Variants in DCT observed in about 807,000 individuals in gnomAD.
DCT encodes the protein dopachrome tautomerase.
In DCT, 47 loss-of-function variants were observed where a neutral mutation model predicts 53.0. The observed-to-expected ratio is 0.89, with a 90% confidence interval of 0.70 to 1.13. The LOEUF is 1.13. Ranked by LOEUF, DCT falls within the 50% of genes most tolerant of loss-of-function variation. The pLI, the probability that DCT is intolerant of heterozygous loss-of-function variation, is 0.00. For synonymous variants in DCT, 244 were observed against 237.0 expected, an observed-to-expected ratio of 1.03 and a Z score of -0.27; for missense variants, 669 against 637.4, an observed-to-expected ratio of 1.05 and a Z score of -0.53.
In DCT at chr13:94,466,557, C is replaced by A. The variant is rs1884235137; in HGVS notation, c.696+1G>T. 6.3e-7 allele frequency: 1 copy of A among 1,596,604 alleles called. No homozygotes were observed. The highest frequency in any genetic ancestry group is 1.3e-5 in the African/African-American group (1 of 74,270). On this transcript the variant is annotated splice_donor_variant, in intron 3 of 7. Coordinates refer to ENST00000377028, the MANE Select transcript of DCT (RefSeq NM_001922.5). LOFTEE classifies it high-confidence loss of function. Reference sequence around the variant, plus strand: ...GAACTAAATGCATAGTTTTGACCTACCTGGAGATCTCTTTCCAGACACAAC... The same window carrying A: ...GAACTAAATGCATAGTTTTGACCTAACTGGAGATCTCTTTCCAGACACAAC...
intron 6 of DCT, among the ~76,000 whole-genome samples, chr13:94,448,890 T>C (rs1882900482): frequency 6.6e-6 from 1 of 151,076 alleles, no homozygotes; most frequent in East Asian, 1.9e-4. Context: ...GACCACAGAG[T>C]GAGACTCCAT....
chr13:94,455,170 G>C (rs1883328506), intron 6 of DCT, among the ~76,000 whole-genome samples: 1 of 152,044 alleles, frequency 6.6e-6, no homozygotes, highest in Non-Finnish European at 1.5e-5. Flanking sequence ...TTGAGGCTAG[G>C]AGTTCTGAGA....
the DCT span, among the ~76,000 whole-genome samples, chr13:94,521,906 A>T: frequency 6.6e-6 from 1 of 152,130 alleles, no homozygotes; most frequent in Non-Finnish European, 1.5e-5. Flanking sequence ...AACATGTCCC[A>T]ATCCCTCCGT....
At chr13:94,545,682 G>T in the DCT span, among the ~76,000 whole-genome samples, 1 of 152,244 alleles carries the variant, frequency 6.6e-6, no homozygotes, top group Non-Finnish European at 1.5e-5. Flanking sequence ...AAATGCCAGT[G>T]ATGGTGGCTG....
At chr13:94,519,001 A>T in the DCT span, among the ~76,000 whole-genome samples, 1 of 151,868 alleles carries the variant, frequency 6.6e-6, no homozygotes, top group Non-Finnish European at 1.5e-5. Flanking sequence ...ATTTGAATGG[A>T]TTGTTCTTTC....
the DCT span, among the ~76,000 whole-genome samples, chr13:94,495,321 T>C: frequency 6.6e-6 from 1 of 152,188 alleles, no homozygotes; most frequent in Non-Finnish European, 1.5e-5. Flanking sequence ...GGTTTCGAAC[T>C]CCTGAGCTCA....
the DCT span, among the ~76,000 whole-genome samples, chr13:94,529,544 C>T: frequency 1.3e-5 from 2 of 152,170 alleles, no homozygotes; most frequent in East Asian, 1.9e-4. Flanking sequence ...ATGACTACTG[C>T]GTAAATAACG....
rs1015165708 is a variant in DCT at position 94,465,621 on chromosome 13, A to G, written c.863+12T>C. On this transcript the variant is annotated intron_variant, in intron 4 of 7. Transcript: ENST00000377028. ...AATCTCTGGATGCCATTGCAGGTAC[A>G]GGAGCCATTACCTATCACAGACAGT... 1 of 1,611,760 alleles carries G rather than the reference A, an allele frequency of 6.2e-7. No individual in the cohort carries two copies.
chr13:94,465,520 T>A, intron 4 of DCT, 113 bp downstream of exon 4: 1 of 912,364 alleles, frequency 1.1e-6, no homozygotes, highest in Non-Finnish European at 1.5e-6. Context: ...TAGAAACATG[T>A]AAATAGGACA....
chr13:94,510,536 A>C, the DCT span, among the ~76,000 whole-genome samples: 1 of 152,254 alleles, frequency 6.6e-6, no homozygotes, highest in South Asian at 2.1e-4. Flanking sequence ...ATGTTGAAAC[A>C]ATGATACTTT....
chr13:94,478,348 G>A (rs1307668081), intron 1 of DCT, among the ~76,000 whole-genome samples: 1 of 152,042 alleles, frequency 6.6e-6, no homozygotes, highest in African/African-American at 2.4e-5. Context: ...ATGATGGCGG[G>A]TGCCTGTAAT....
At chr13:94,489,583 A>G in the DCT span, among the ~76,000 whole-genome samples, 4 of 152,186 alleles carry the variant, frequency 2.6e-5, no homozygotes, top group East Asian at 7.7e-4. Context: ...AAATTTCTAC[A>G]CTGGCAAACC....
chr13:94,522,179 A>T, the DCT span, among the ~76,000 whole-genome samples: 1 of 152,202 alleles, frequency 6.6e-6, no homozygotes, highest in African/African-American at 2.4e-5. Context: ...TGTGTCTGTG[A>T]TGGTGTTGCC....
chr13:94,483,678 T>C (rs919322557), upstream of DCT, among the ~76,000 whole-genome samples: 2 of 152,082 alleles, frequency 1.3e-5, no homozygotes, highest in African/African-American at 4.8e-5. Context: ...ATTTTTGTAT[T>C]TTCAGTAGAG....
chr13:94,528,444 G>A, the DCT span, among the ~76,000 whole-genome samples: 5 of 149,246 alleles, frequency 3.4e-5, no homozygotes, highest in South Asian at 2.1e-4. Context: ...TGAATCTCTC[G>A]GCAGAAACCC....
the DCT span, among the ~76,000 whole-genome samples, chr13:94,529,074 C>T: frequency 6.6e-6 from 1 of 152,202 alleles, no homozygotes; most frequent in Non-Finnish European, 1.5e-5. Context: ...GTGATCAATT[C>T]ACCAAGAAGA....
At chr13:94,518,385 C>T in the DCT span, among the ~76,000 whole-genome samples, 1 of 152,206 alleles carries the variant, frequency 6.6e-6, no homozygotes. Context: ...CACAGAGGCA[C>T]TTTAAATCCA....
chr13:94,445,760 T>G, intron 6 of DCT: 5 of 1,577,710 alleles, frequency 3.2e-6, no homozygotes, highest in Non-Finnish European at 4.3e-6. Flanking sequence ...GCTTTCTCTT[T>G]TCTGTTGAGA....
chr13:94,533,348 T>C, the DCT span, among the ~76,000 whole-genome samples: 1 of 150,496 alleles, frequency 6.6e-6, no homozygotes, highest in Non-Finnish European at 1.5e-5. Context: ...ACCTAAAATA[T>C]TTACCGAAAA....
Sources: allele counts gnomAD v4.1 joint callset (sites outside exome capture counted in the v4.1 genomes callset), GRCh38; gene constraint gnomAD v4.1.1; transcripts MANE v1.5; gene names NCBI Gene and HGNC (gene_info 2026-07-23, HGNC 2026-07-21).